SUGCT: variants seen among roughly 807,000 people sequenced by gnomAD.
SUGCT encodes succinyl-CoA:glutarate-CoA transferase.
A neutral mutation model predicts 55.0 loss-of-function variants in SUGCT; 41 were observed. That is an observed-to-expected ratio of 0.74 (90% CI 0.58 to 0.97). The LOEUF is 0.97. SUGCT is among the 50% of genes least tolerant of loss of function. The probability of loss-of-function intolerance (pLI) is 0.00; values close to 1 mark genes in which losing one functional copy is unlikely to be tolerated. For missense variants in SUGCT, 568 were observed against 547.8 expected (o/e 1.04, Z -0.37); for synonymous variants, 187 against 200.4 (o/e 0.93, Z 0.56).
At chr7:40,495,534 C>G (rs539896429) in intron 11 of SUGCT, among the ~76,000 whole-genome samples, 1 of 151,978 alleles carries the variant, frequency 6.6e-6, no homozygotes, top group Non-Finnish European at 1.5e-5. Flanking sequence ...CCCTATAGAT[C>G]CAAGATTTTA....
intron 12 of SUGCT, among the ~76,000 whole-genome samples, chr7:40,729,880 A>C (rs1489816800): frequency 6.6e-6 from 1 of 152,078 alleles, no homozygotes; most frequent in Non-Finnish European, 1.5e-5. Flanking sequence ...ATACCCTTTT[A>C]TTTTTCATGG....
intron 7 of SUGCT, among the ~76,000 whole-genome samples, chr7:40,265,545 A>G (rs917935537): frequency 5.9e-5 from 9 of 152,042 alleles, no homozygotes; most frequent in African/African-American, 2.2e-4. Context: ...TGTAGTGGGA[A>G]GAGCATAGAG....
chr7:40,382,627 A>T (rs1784926225), intron 9 of SUGCT, among the ~76,000 whole-genome samples: 1 of 152,346 alleles, frequency 6.6e-6, no homozygotes, highest in Middle Eastern at 3.4e-3. Flanking sequence ...GTTGGAGATG[A>T]ATAAAATGGA....
intron 13 of SUGCT, among the ~76,000 whole-genome samples, chr7:40,841,091 T>C: frequency 6.6e-6 from 1 of 152,108 alleles, no homozygotes; most frequent in Non-Finnish European, 1.5e-5. Context: ...TAGACTTTTT[T>C]TTTTCTTTTA....
chr7:40,557,837 A>T (rs990813508), intron 12 of SUGCT, among the ~76,000 whole-genome samples: 1 of 152,040 alleles, frequency 6.6e-6, no homozygotes, highest in African/African-American at 2.4e-5. Context: ...ACAGAATGGG[A>T]GAAAATATTT....
the SUGCT span, among the ~76,000 whole-genome samples, chr7:40,925,621 G>A: frequency 6.6e-6 from 1 of 152,112 alleles, no homozygotes; most frequent in East Asian, 1.9e-4. Context: ...TGGTTTACAT[G>A]AGTCTGGAGA....
chr7:40,683,979 A>C, intron 12 of SUGCT: 1 of 1,581,450 alleles, frequency 6.3e-7, no homozygotes, highest in South Asian at 1.2e-5. Context: ...TTCCTTGATC[A>C]TGTGTGTTAC....
intron 11 of SUGCT, among the ~76,000 whole-genome samples, chr7:40,468,149 A>G (rs565665641): frequency 4.5e-4 from 68 of 152,092 alleles, no homozygotes; most frequent in African/African-American, 1.5e-3. Context: ...GTGTTCCTTA[A>G]TTGCTACCCT....
chr7:40,343,730 C>T (rs1797169502), intron 9 of SUGCT, among the ~76,000 whole-genome samples: 1 of 152,112 alleles, frequency 6.6e-6, no homozygotes, highest in African/African-American at 2.4e-5. Flanking sequence ...AATCTCGGCT[C>T]ATTGCAAGCT....
In SUGCT at chr7:40,173,174, C is replaced by T. The variant is rs1351306781; in HGVS notation, c.101-7773C>T. Among the ~76,000 whole-genome samples the T allele has an allele frequency of 2.0e-5, 3 of 152,164 alleles. No homozygotes were observed. In the South Asian group the frequency reaches 6.2e-4, roughly 31 times the overall value. ...TACACCTCTGTTAGAAGCCGTGGGT[C>T]ACGGAAGAGAACCGTGGAACCCAGT... On this transcript the variant is annotated intron_variant, in intron 1 of 13. Transcript: ENST00000335693.
intron 11 of SUGCT, among the ~76,000 whole-genome samples, chr7:40,480,963 A>G (rs1247612222): frequency 1.3e-5 from 2 of 152,182 alleles, no homozygotes; most frequent in African/African-American, 4.8e-5. Context: ...CATATACTTC[A>G]TGTAGACACA....
chr7:40,923,458 C>T, the SUGCT span, among the ~76,000 whole-genome samples: 1 of 152,198 alleles, frequency 6.6e-6, no homozygotes, highest in Non-Finnish European at 1.5e-5. Context: ...TTTACCCATT[C>T]AGAGCACAAA....
chr7:40,626,004 T>C (rs1799509387), intron 12 of SUGCT, among the ~76,000 whole-genome samples: 1 of 152,226 alleles, frequency 6.6e-6, no homozygotes, highest in Non-Finnish European at 1.5e-5. Flanking sequence ...TTTTAACTAA[T>C]GGTAAAAGTT....
rs140376581 is a variant in SUGCT, at chr7:40,507,475, A to C, written c.1089+11089A>C. ...TGCTTGACTTAGAGACTGCTATCAC[A>C]GTTAAGGTAGTTTACTCACCCCCCT... On this transcript the variant is annotated intron_variant, in intron 12 of 13. Coordinates refer to ENST00000335693, the MANE Select transcript of SUGCT (RefSeq NM_001193313.2). Among the ~76,000 whole-genome samples, 146 of 152,276 alleles carry C rather than the reference A, an allele frequency of 9.6e-4. 1 individual carries two copies. The highest frequency in any genetic ancestry group is 3.2e-3 in the African/African-American group (135 of 41,556).
chr7:40,471,347 TAAA>T (rs1158079317), intron 11 of SUGCT, among the ~76,000 whole-genome samples: 1 of 151,398 alleles, frequency 6.6e-6, no homozygotes, highest in Non-Finnish European at 1.5e-5. Context: ...AATATAAAAT[TAAA>T]ATAATAATAT....
intron 12 of SUGCT, among the ~76,000 whole-genome samples, chr7:40,621,145 T>G (rs956725701): frequency 6.6e-6 from 1 of 152,196 alleles, no homozygotes; most frequent in Non-Finnish European, 1.5e-5. Context: ...TACAAATATT[T>G]GTATATACAT....
At chr7:40,308,738 C>T (rs1794970159) in intron 8 of SUGCT, among the ~76,000 whole-genome samples, 1 of 152,158 alleles carries the variant, frequency 6.6e-6, no homozygotes, top group Non-Finnish European at 1.5e-5. Flanking sequence ...AGGCTGGGCA[C>T]AGTGACTCAT....
intron 1 of SUGCT, among the ~76,000 whole-genome samples, chr7:40,158,646 A>G (rs1784009542): frequency 6.6e-6 from 1 of 152,150 alleles, no homozygotes; most frequent in Non-Finnish European, 1.5e-5. Flanking sequence ...ACTACTCGGG[A>G]GGCTGAGACA....
intron 12 of SUGCT, among the ~76,000 whole-genome samples, chr7:40,535,688 A>G (rs965244956): frequency 2.0e-5 from 3 of 152,226 alleles, no homozygotes; most frequent in African/African-American, 2.4e-5. Flanking sequence ...GCCATAAGAA[A>G]GAATGAAATC....
Sources: allele counts gnomAD v4.1 joint callset (sites outside exome capture counted in the v4.1 genomes callset), GRCh38; gene constraint gnomAD v4.1.1; transcripts MANE v1.5; gene names NCBI Gene and HGNC (gene_info 2026-07-23, HGNC 2026-07-21).